C7: variants seen among roughly 807,000 people sequenced by gnomAD.
C7 encodes the protein complement C7.
In C7, 83 loss-of-function variants were observed where a neutral mutation model predicts 104.8. That is an observed-to-expected ratio of 0.79 (90% confidence interval 0.66 to 0.95). C7 has a LOEUF of 0.95. Ranked by LOEUF, C7 falls within the 40% of genes least tolerant of loss-of-function variation. C7 has a pLI of 0.00. For synonymous variants in C7, 415 were observed against 360.6 expected (o/e 1.15, Z -1.71); for missense variants, 1,070 against 1,011.2 (o/e 1.06, Z -0.79).
chr5:40,967,282 T>C (rs377210916), intron 14 of C7, among the ~76,000 whole-genome samples: 1 of 152,136 alleles, frequency 6.6e-6, no homozygotes, highest in Non-Finnish European at 1.5e-5. Context: ...GCCAGGATGG[T>C]CTCCATCTCT....
At chr5:40,959,867 C>T (rs1415460701) in intron 12 of C7, among the ~76,000 whole-genome samples, 1 of 152,186 alleles carries the variant, frequency 6.6e-6, no homozygotes, top group Non-Finnish European at 1.5e-5. Flanking sequence ...TACGATCATT[C>T]TCATTCGTTT....
chr5:40,920,051 C>A (rs537450436), intron 1 of C7, among the ~76,000 whole-genome samples: 5 of 151,816 alleles, frequency 3.3e-5, no homozygotes, highest in Admixed American at 1.3e-4. Flanking sequence ...AAAATAAGTT[C>A]TTTTTTGAAA....
intron 10 of C7, among the ~76,000 whole-genome samples, chr5:40,957,704 C>T (rs1198730207): frequency 2.0e-5 from 3 of 151,970 alleles, no homozygotes; most frequent in Non-Finnish European, 4.4e-5. Flanking sequence ...ATCCCCCCTG[C>T]CGCAGCCTCT....
chr5:40,937,744 TATG>T (rs1361938971), intron 6 of C7, 54 bp downstream of exon 6: 4 of 1,403,256 alleles, frequency 2.9e-6, no homozygotes, highest in Non-Finnish European at 3.9e-6. Context: ...GCATTATTTA[TATG>T]ATATTGACTT....
At chr5:40,930,483 G>A (rs1218056681) in intron 2 of C7, among the ~76,000 whole-genome samples, 9 of 151,276 alleles carry the variant, frequency 5.9e-5, no homozygotes, top group Admixed American at 4.6e-4. Flanking sequence ...TGAGATTACA[G>A]GCATAAGCAA....
At position 40,922,656 on chromosome 5, in the gene C7, G is replaced by A. The variant is rs111353536; in HGVS notation, c.7-5924G>A. Among the ~76,000 whole-genome samples, 388 of 144,128 alleles carry A rather than the reference G, an allele frequency of 2.7e-3. 3 individuals are homozygous for A. Among genetic ancestry groups the A allele is most frequent in the African/African-American group, 8.4e-3 (324 of 38,376 alleles). The allele number at this position is 144,128 out of a possible 152,430, so 94.6% of individuals were successfully genotyped here. A position where few individuals can be genotyped will look rare whatever the true frequency, so the allele number is the denominator to read the frequency against. On this transcript the variant is annotated intron_variant, in intron 1 of 17. Transcript: ENST00000313164. Reference sequence around the variant, plus strand: ...GAGGAGGTTGCAGTGAGCCAAGATCGCACTACTGCACTCCAGCCTGGGTGA... The same window carrying A: ...GAGGAGGTTGCAGTGAGCCAAGATCACACTACTGCACTCCAGCCTGGGTGA...
chr5:40,921,453 A>T (rs1267028903), intron 1 of C7, among the ~76,000 whole-genome samples: 2 of 152,112 alleles, frequency 1.3e-5, no homozygotes, highest in East Asian at 3.8e-4. Context: ...CATAGAAAAA[A>T]TTCTAAAAAT....
At chr5:40,923,329 T>C (rs1241779391) in intron 1 of C7, among the ~76,000 whole-genome samples, 1 of 152,214 alleles carries the variant, frequency 6.6e-6, no homozygotes, top group African/African-American at 2.4e-5. Flanking sequence ...CTTGTGGTTC[T>C]GCAGGCTGCA....
At position 40,928,903 on chromosome 5, in the gene C7, A is replaced by T. The variant is rs573540987; in HGVS notation, c.62+268A>T. On this transcript the variant is annotated intron_variant, in intron 2 of 17. Coordinates refer to ENST00000313164, the MANE Select transcript of C7 (RefSeq NM_000587.4). The stretch of plus-strand genomic sequence containing the variant: ...TTTTTTGTCTCAGTGCCGTGGTTTT[A>T]TCTGTAATGCAGATAATCACAGTGG... 3.3e-5 allele frequency among the ~76,000 whole-genome samples: 5 copies of T among 152,336 alleles called. No homozygotes were observed. The South Asian group carries it at 6.2e-4, about 19-fold the overall frequency.
Position 40,936,438 on chromosome 5 carries a change from C to T in C7, c.381C>T (p.Ser127=), listed in dbSNP as rs756430402. 7 of 1,613,262 alleles carry T rather than the reference C, an allele frequency of 4.3e-6. No individual in the cohort carries two copies. The highest frequency in any genetic ancestry group is 3.3e-4 in the Middle Eastern group (2 of 6,058). ...DRCEDSERRP[S]CDIDKPPPNI... The stretch of plus-strand genomic sequence containing the variant: ...GTGAGGACTCAGAAAGGAGACCTTC[C>T]TGTGATATCGATAAACCTCCTCCTA... The change falls in exon 5 of 18, where the codon TCC becomes TCT. Residue 127 remains serine, a synonymous_variant. Transcript: ENST00000313164.
At chr5:40,972,106 A>T in intron 14 of C7, 1 of 514,484 alleles carries the variant, frequency 1.9e-6, no homozygotes, top group East Asian at 4.8e-5. Context: ...GTTTGGTTTC[A>T]ACAGTAGGCT....
chr5:40,947,404 C>T (rs1740072483), intron 7 of C7, among the ~76,000 whole-genome samples, 198 bp from the exon 8 acceptor site: 2 of 152,014 alleles, frequency 1.3e-5, no homozygotes, highest in African/African-American at 4.8e-5. Context: ...GATATTATTA[C>T]TATTTGAGAC....
At position 40,984,413 on chromosome 5, in the gene C7, C is replaced by T. The variant is rs374256138; in HGVS notation, c.*2840C>T. Among the ~76,000 whole-genome samples, 304 of 152,284 alleles carry T rather than the reference C, an allele frequency of 2.0e-3. 9 individuals are homozygous for T. In the South Asian group the frequency reaches 0.061, roughly 30 times the overall value. On this transcript the variant is annotated 3_prime_UTR_variant, in exon 18 of 18. Transcript: ENST00000313164. ...ATTGAGGGTTGCCCTCTTTGCTGGG[C>T]AGATCATGGCTAATCTCAGCTTCAC...
At chr5:40,923,269 A>T (rs768715714) in intron 1 of C7, among the ~76,000 whole-genome samples, 1 of 152,230 alleles carries the variant, frequency 6.6e-6, no homozygotes, top group African/African-American at 2.4e-5. Flanking sequence ...GTGTTGCTAT[A>T]AAGAAATACC....
intron 10 of C7, among the ~76,000 whole-genome samples, chr5:40,955,809 TA>T (rs1386773053): frequency 1.3e-5 from 2 of 152,232 alleles, no homozygotes; most frequent in African/African-American, 2.4e-5. Context: ...TTTGCATTTT[TA>T]ACTTTTGATC....
chr5:40,978,873 ATTTTTTT>A (rs372551834), intron 16 of C7, among the ~76,000 whole-genome samples: 34 of 80,094 alleles, frequency 4.2e-4, no homozygotes, highest in Non-Finnish European at 6.0e-4. Flanking sequence ...TTTTATGGAA[ATTTTTTT>A]TTTTTTTTTT....
chr5:40,981,447 T>G lies in C7; in HGVS notation c.2406T>G (p.Phe802Leu), dbSNP rs780412983. Residue 802 changes from phenylalanine (F) to leucine (L), a missense_variant, in exon 18 of 18, where the codon TTT (phenylalanine) becomes TTG (leucine). Phe to Leu is a conservative substitution (Grantham distance 22). Coordinates refer to ENST00000313164, the MANE Select transcript of C7 (RefSeq NM_000587.4). Reference protein sequence around the residue: ...REASECEEEGFSICVEVNGKE... With the variant: ...REASECEEEGLSICVEVNGKE... ...CATCGGAGTGCGAGGAAGAAGGGTT[T>G]AGCATTTGTGTGGAAGTGAACGGCA... 2 of 1,613,720 alleles carry G rather than the reference T, an allele frequency of 1.2e-6. No individual in the cohort carries two copies. Among genetic ancestry groups the G allele is most frequent in the Non-Finnish European group, 1.7e-6 (2 of 1,179,774 alleles).
At position 40,972,585 on chromosome 5, in the gene C7, GTAC is replaced by G; in HGVS notation, c.2066_2068del (p.Val689_Gln690delinsGlu). The G allele has an allele frequency of 6.3e-7, 1 of 1,593,092 alleles. No homozygotes were observed. The highest frequency in any genetic ancestry group is 1.7e-5 in the Admixed American group (1 of 57,384). ...TCCTGAGATGAAGAATGCCCGCTGT[GTAC>G]AAAAAGGTGAGTGGCTTCCATGTCT... On this transcript the variant is annotated inframe_deletion, in exon 15 of 18. Transcript: ENST00000313164.
chr5:40,984,586 G>A lies in C7; in HGVS notation c.*3013G>A, dbSNP rs186621508. ...ATGTGTCCACTTATGTGTCCAATTAGTAATCACTTTTTCTTTCGGTCAAGG... is the reference window on the plus strand; with the variant it reads ...ATGTGTCCACTTATGTGTCCAATTAATAATCACTTTTTCTTTCGGTCAAGG... On this transcript the variant is annotated 3_prime_UTR_variant, in exon 18 of 18. Transcript: ENST00000313164. 8.5e-4 allele frequency among the ~76,000 whole-genome samples: 129 copies of A among 152,276 alleles called. No individual in the cohort carries two copies. The highest frequency in any genetic ancestry group is 3.0e-3 in the African/African-American group (125 of 41,550).
Sources: allele counts gnomAD v4.1 joint callset (sites outside exome capture counted in the v4.1 genomes callset), GRCh38; gene constraint gnomAD v4.1.1; transcripts MANE v1.5; gene names NCBI Gene and HGNC (gene_info 2026-07-23, HGNC 2026-07-21).